Variants in HMCN1 observed in about 807,000 individuals in gnomAD.
HMCN1 encodes the protein hemicentin 1.
Under a neutral mutation model 625.9 loss-of-function variants are expected in HMCN1, and 321 were observed. That is an observed-to-expected ratio of 0.51 (90% CI 0.47 to 0.56). The LOEUF (loss-of-function observed/expected upper bound fraction) is 0.56, where lower values mean the gene tolerates loss of function less well. Ranked by LOEUF, HMCN1 falls within the 20% of genes least tolerant of loss-of-function variation. The pLI, the probability that HMCN1 is intolerant of heterozygous loss-of-function variation, is 0.00. For synonymous variants in HMCN1, 2,425 were observed against 2,417.6 expected, an observed-to-expected ratio of 1.00 and a Z score of -0.09; for missense variants, 6,588 against 6,887.3, an observed-to-expected ratio of 0.96 and a Z score of 1.54.
Position 186,178,656 on chromosome 1 carries a change from A to G in HMCN1, c.16184A>G (p.Tyr5395Cys), listed in dbSNP as rs780768032. Reference protein sequence around the residue: ...QQHYRQYSHLYSSYSEYRNSR... With the variant: ...QQHYRQYSHLCSSYSEYRNSR... The stretch of plus-strand genomic sequence containing the variant: ...CATTACAGACAGTACTCACATCTCT[A>G]CAGCTCCTACTCAGAGTATAGAAAC... Residue 5395 changes from tyrosine (Y) to cysteine (C), a missense_variant, in exon 104 of 107, where the codon TAC becomes TGC. This residue lies in a region of HMCN1 where 1,954 missense variants were observed against 2,013.1 expected (regional missense o/e 0.97). Coordinates refer to ENST00000271588, the MANE Select transcript of HMCN1 (RefSeq NM_031935.3). 20 of 1,614,000 alleles carry G rather than the reference A, an allele frequency of 1.2e-5. No homozygotes were observed. Among genetic ancestry groups the G allele is most frequent in the Non-Finnish European group, 1.6e-5 (19 of 1,179,848 alleles).
At chr1:185,907,848 A>T (rs2102447625) in intron 4 of HMCN1, among the ~76,000 whole-genome samples, 1 of 151,086 alleles carries the variant, frequency 6.6e-6, no homozygotes, top group South Asian at 2.1e-4. Flanking sequence ...ACATTTTTTC[A>T]ACAGCATTTC....
chr1:185,865,741 G>A lies in HMCN1; in HGVS notation c.499G>A (p.Val167Ile). 6 of 1,601,110 alleles carry A rather than the reference G, an allele frequency of 3.7e-6. No individual in the cohort carries two copies. Among genetic ancestry groups the A allele is most frequent in the Non-Finnish European group, 5.1e-6 (6 of 1,173,628 alleles). ...LQLIQQKQSQVVFVLTGDCDD... is the reference protein window; with the variant it reads ...LQLIQQKQSQIVFVLTGDCDD... ...TTTCTTTTTTTTTTTTTAATCATAG[G>A]TCGTATTTGTTCTGACTGGAGATTG... is the stretch of plus-strand genomic sequence containing the variant. Residue 167 changes from valine (V) to isoleucine (I), a missense_variant and splice_region_variant, in exon 4 of 107, where the codon GTC (valine) becomes ATC (isoleucine). Val to Ile is a conservative substitution (Grantham distance 29). Coordinates refer to ENST00000271588, the MANE Select transcript of HMCN1 (RefSeq NM_031935.3).
chr1:185,779,828 A>G lies in HMCN1; in HGVS notation c.268+44781A>G, dbSNP rs1262067066. ...TGGTTTAGGATTGTCTTGGCAATGCAGGCTCTTTTTTGGTTCCATATGAAC... is the reference window on the plus strand; with the variant it reads ...TGGTTTAGGATTGTCTTGGCAATGCGGGCTCTTTTTTGGTTCCATATGAAC... On this transcript the variant is annotated intron_variant, in intron 1 of 106. Coordinates refer to ENST00000271588, the MANE Select transcript of HMCN1 (RefSeq NM_031935.3). Among the ~76,000 whole-genome samples, 18 of 152,268 alleles carry G rather than the reference A, an allele frequency of 1.2e-4. No individual in the cohort carries two copies. The South Asian group carries it at 3.1e-3, about 26-fold the overall frequency.
chr1:186,023,409 AC>A (rs1393671935), intron 36 of HMCN1, among the ~76,000 whole-genome samples: 2 of 152,074 alleles, frequency 1.3e-5, no homozygotes, highest in Admixed American at 1.3e-4. Context: ...TTTTAAGTTA[AC>A]TGTATTCTGT....
chr1:186,133,842 T>C (rs937267686), intron 86 of HMCN1, among the ~76,000 whole-genome samples: 1 of 152,102 alleles, frequency 6.6e-6, no homozygotes, highest in Non-Finnish European at 1.5e-5. Flanking sequence ...GTTCTTTTAT[T>C]TATTAAATAT....
chr1:186,001,751 A>G lies in HMCN1; in HGVS notation c.4348+10A>G. On this transcript the variant is annotated intron_variant, in intron 28 of 106. Coordinates refer to ENST00000271588, the MANE Select transcript of HMCN1 (RefSeq NM_031935.3). ...AACATTGATGTGCTAGGTAAGAAAT[A>G]CATCCTTTTAAAAAACTACAATTCA... The G allele has an allele frequency of 6.2e-7, 1 of 1,607,658 alleles. No individual in the cohort carries two copies. Among genetic ancestry groups the G allele is most frequent in the Non-Finnish European group, 8.5e-7 (1 of 1,174,686 alleles).
chr1:185,885,544 A>G (rs1490741266), intron 4 of HMCN1, among the ~76,000 whole-genome samples: 2 of 151,238 alleles, frequency 1.3e-5, no homozygotes, highest in Non-Finnish European at 3.0e-5. Context: ...TCTCTAAACC[A>G]CTAGTATGAT....
In HMCN1 at chr1:186,087,594, T is replaced by A; in HGVS notation, c.9312T>A (p.Thr3104=). ...ATGGGCGGATGATAACAGAGTCTACTCATGTGGAGATTTTAGCTGATGGAC... is the reference window on the plus strand; with the variant it reads ...ATGGGCGGATGATAACAGAGTCTACACATGTGGAGATTTTAGCTGATGGAC... ...YKNGRMITES[T]HVEILADGQM... The change falls in exon 60 of 107, where the codon ACT becomes ACA. Residue 3104 remains threonine, a synonymous_variant. Coordinates refer to ENST00000271588, the MANE Select transcript of HMCN1 (RefSeq NM_031935.3). 6.2e-7 allele frequency: 1 copy of A among 1,613,308 alleles called. No individual in the cohort carries two copies.
chr1:185,829,434 G>A (rs1660722405), intron 1 of HMCN1, among the ~76,000 whole-genome samples: 1 of 152,084 alleles, frequency 6.6e-6, no homozygotes, highest in Non-Finnish European at 1.5e-5. Flanking sequence ...ACAGGCTGTG[G>A]GGTGTGTCAT....
chr1:186,064,057 T>A (rs1163414383), intron 48 of HMCN1, among the ~76,000 whole-genome samples: 1 of 152,162 alleles, frequency 6.6e-6, no homozygotes, highest in Non-Finnish European at 1.5e-5. Context: ...GAGGGGGGAA[T>A]GTTTCTATTT....
chr1:185,965,207 T>C (rs1193729221), intron 13 of HMCN1, among the ~76,000 whole-genome samples: 5 of 152,152 alleles, frequency 3.3e-5, no homozygotes, highest in Non-Finnish European at 5.9e-5. Context: ...AGAATGTCTA[T>C]ATTTAGCATC....
intron 93 of HMCN1, among the ~76,000 whole-genome samples, chr1:186,146,181 G>GA: frequency 6.6e-6 from 1 of 152,278 alleles, no homozygotes; most frequent in East Asian, 1.9e-4. Flanking sequence ...GCAGAGTGGG[G>GA]AAAAATGGGC....
chr1:186,160,413 TA>T (rs1558269544), intron 97 of HMCN1, among the ~76,000 whole-genome samples: 5 of 147,752 alleles, frequency 3.4e-5, no homozygotes, highest in African/African-American at 1.3e-4. Context: ...TTTGTGTCTC[TA>T]TTTCCTTCAG....
chr1:185,932,521 G>A (rs912958994), intron 10 of HMCN1, among the ~76,000 whole-genome samples: 2 of 152,130 alleles, frequency 1.3e-5, no homozygotes, highest in South Asian at 2.1e-4. Flanking sequence ...TATTTATAAT[G>A]TATTGCTACA....
intron 53 of HMCN1, among the ~76,000 whole-genome samples, chr1:186,076,188 G>A (rs951975349): frequency 4.6e-5 from 7 of 152,120 alleles, no homozygotes; most frequent in Non-Finnish European, 8.8e-5. Flanking sequence ...AACGGGGAGA[G>A]CAAAGCATAA....
intron 10 of HMCN1, among the ~76,000 whole-genome samples, chr1:185,931,923 A>G (rs1667572072): frequency 6.6e-6 from 1 of 152,230 alleles, no homozygotes; most frequent in African/African-American, 2.4e-5. Flanking sequence ...CACACAACTA[A>G]TTAGGGGTAG....
At chr1:186,092,540 G>A (rs1364424448) in intron 64 of HMCN1, among the ~76,000 whole-genome samples, 1 of 151,966 alleles carries the variant, frequency 6.6e-6, no homozygotes, top group East Asian at 1.9e-4. Context: ...TTAATGGTGT[G>A]TGAGGACAAC....
At chr1:185,831,423 T>C (rs1660854431) in intron 1 of HMCN1, among the ~76,000 whole-genome samples, 1 of 152,178 alleles carries the variant, frequency 6.6e-6, no homozygotes, top group South Asian at 2.1e-4. Flanking sequence ...TCTGTTTCAA[T>C]CTCAAATCCA....
At chr1:186,111,948 G>A (rs1409440341) in intron 71 of HMCN1, among the ~76,000 whole-genome samples, 1 of 152,080 alleles carries the variant, frequency 6.6e-6, no homozygotes, top group Non-Finnish European at 1.5e-5. Flanking sequence ...TCTTATTTGG[G>A]CTATTCCTGA....
Sources: allele counts gnomAD v4.1 joint callset (sites outside exome capture counted in the v4.1 genomes callset), GRCh38; gene constraint gnomAD v4.1.1; regional missense constraint gnomAD v4.1.1; transcripts MANE v1.5; gene names NCBI Gene and HGNC (gene_info 2026-07-23, HGNC 2026-07-21).